CNTNAP4: variants seen among roughly 807,000 people sequenced by gnomAD.
CNTNAP4 encodes contactin associated protein family member 4.
CNTNAP4 carries 98 observed loss-of-function variants against 148.4 expected under a neutral mutation model. That is an observed-to-expected ratio of 0.66 (90% confidence interval 0.56 to 0.78). CNTNAP4 has a LOEUF of 0.78. CNTNAP4 is among the 30% of genes least tolerant of loss of function. The pLI is 0.00. For missense variants in CNTNAP4, 1,935 were observed against 1,565.6 expected (o/e 1.24, Z -3.98); for synonymous variants, 730 against 565.1 (o/e 1.29, Z -4.14).
intron 4 of CNTNAP4, among the ~76,000 whole-genome samples, chr16:76,435,907 C>T (rs1004402450): frequency 6.6e-6 from 1 of 152,106 alleles, no homozygotes; most frequent in African/African-American, 2.4e-5. Flanking sequence ...GTTTCTTCCA[C>T]CATTATCCCA....
intron 3 of CNTNAP4, among the ~76,000 whole-genome samples, chr16:76,397,516 C>T (rs764963758): frequency 5.3e-5 from 8 of 151,842 alleles, no homozygotes; most frequent in South Asian, 2.1e-4. Flanking sequence ...ACATCAGATA[C>T]GCAGTGGGTG....
intron 2 of CNTNAP4, among the ~76,000 whole-genome samples, chr16:76,320,785 C>T (rs187816527): frequency 1.3e-4 from 20 of 152,104 alleles, no homozygotes; most frequent in Non-Finnish European, 2.1e-4. Flanking sequence ...ATAATCTGAA[C>T]GTAAGTCTTT....
At position 76,483,897 on chromosome 16, in the gene CNTNAP4, T is replaced by G. The variant is rs565889247; in HGVS notation, c.1882+4359T>G. ...CAAATTCACAAGTAATGAGAATCTG[T>G]GTGTGATGAATATCGACTATATATC... On this transcript the variant is annotated intron_variant, in intron 12 of 23. Transcript: ENST00000611870. Among the ~76,000 whole-genome samples the G allele has an allele frequency of 3.3e-5, 5 of 152,284 alleles. No individual in the cohort carries two copies. In the South Asian group the frequency reaches 1.0e-3, roughly 32 times the overall value.
At chr16:76,319,055 A>C (rs1251104089) in intron 2 of CNTNAP4, among the ~76,000 whole-genome samples, 1 of 152,092 alleles carries the variant, frequency 6.6e-6, no homozygotes, top group Non-Finnish European at 1.5e-5. Context: ...TAATACTGTG[A>C]AAATGAGTAG....
chr16:76,478,544 G>A (rs952610632), intron 11 of CNTNAP4, among the ~76,000 whole-genome samples: 1 of 152,188 alleles, frequency 6.6e-6, no homozygotes, highest in Non-Finnish European at 1.5e-5. Flanking sequence ...AAGTAAAATA[G>A]ATTCAGGGAC....
intron 12 of CNTNAP4, among the ~76,000 whole-genome samples, chr16:76,482,824 A>G (rs968772279): frequency 6.6e-6 from 1 of 152,090 alleles, no homozygotes; most frequent in African/African-American, 2.4e-5. Flanking sequence ...GGGCCAATGG[A>G]AATAATATCA....
chr16:76,291,663 G>A (rs1959121612), intron 1 of CNTNAP4, among the ~76,000 whole-genome samples: 1 of 152,200 alleles, frequency 6.6e-6, no homozygotes, highest in Admixed American at 6.5e-5. Flanking sequence ...AGTACACACA[G>A]CTCCTCCTCC....
rs144858303 is a variant in CNTNAP4, at chr16:76,365,116, A to G, written c.390+9605A>G. 3.1e-3 allele frequency among the ~76,000 whole-genome samples: 465 copies of G among 152,308 alleles called. 2 individuals carry two copies. The highest frequency in any genetic ancestry group is 0.01 in the African/African-American group (432 of 41,568). ...ACGGCTAGCCAGTTTTCCCAACACC[A>G]TTTATTAAATAGGGAATCCTTTCCC... is the stretch of plus-strand genomic sequence containing the variant. On this transcript the variant is annotated intron_variant, in intron 3 of 23. Coordinates refer to ENST00000611870, the MANE Select transcript of CNTNAP4 (RefSeq NM_033401.5).
chr16:76,333,779 GTT>G (rs549878036), intron 2 of CNTNAP4, among the ~76,000 whole-genome samples: 622 of 45,620 alleles, frequency 0.014, 4 homozygotes, highest in African/African-American at 0.041. Context: ...TGGGTTATAG[GTT>G]TTTTTTTTTT....
intron 18 of CNTNAP4, among the ~76,000 whole-genome samples, chr16:76,536,492 G>A (rs906310464): frequency 1.8e-4 from 27 of 152,018 alleles, no homozygotes; most frequent in African/African-American, 5.8e-4. Context: ...CCCCATGCCC[G>A]GCCCTGTTAC....
intron 2 of CNTNAP4, among the ~76,000 whole-genome samples, chr16:76,351,148 G>C (rs976583270): frequency 1.3e-5 from 2 of 151,996 alleles, no homozygotes; most frequent in African/African-American, 4.8e-5. Context: ...CAGTTAAAAG[G>C]TTTTCTTAAT....
At chr16:76,540,840 A>C in intron 21 of CNTNAP4, 50 bp downstream of exon 21, 3 of 1,290,752 alleles carry the variant, frequency 2.3e-6, no homozygotes, top group Non-Finnish European at 3.3e-6. Context: ...CATGATACAT[A>C]AGCATGGATC....
chr16:76,290,517 A>G (rs1959070478), intron 1 of CNTNAP4, among the ~76,000 whole-genome samples: 1 of 152,078 alleles, frequency 6.6e-6, no homozygotes, highest in Admixed American at 6.6e-5. Flanking sequence ...TTCTCCTCTG[A>G]GTGTACACTG....
At position 76,476,096 on chromosome 16, in the gene CNTNAP4, C is replaced by T. The variant is rs1597667713; in HGVS notation, c.1762+51C>T. ...TTGCCCCTGTGATGGTTTCTTTGTC[C>T]CATTTCCCTTTTCATTGCTGTGTGT... On this transcript the variant is annotated intron_variant, in intron 11 of 23. Transcript: ENST00000611870. 3.9e-6 allele frequency: 5 copies of T among 1,290,408 alleles called. No individual in the cohort carries two copies. In the East Asian group the frequency reaches 9.3e-5, roughly 24 times the overall value. The allele number at this position is 1,290,408 out of a possible 1,614,324, so 79.9% of individuals were successfully genotyped here. A position where few individuals can be genotyped will look rare whatever the true frequency, so the allele number is the denominator to read the frequency against.
chr16:76,424,484 T>A (rs1331160343), intron 3 of CNTNAP4, among the ~76,000 whole-genome samples: 2 of 152,130 alleles, frequency 1.3e-5, no homozygotes, highest in African/African-American at 2.4e-5. Flanking sequence ...CTGGGTGCGG[T>A]GGTTCACGCC....
chr16:76,491,635 G>T (rs1435459748), intron 13 of CNTNAP4, among the ~76,000 whole-genome samples: 2 of 152,132 alleles, frequency 1.3e-5, no homozygotes, highest in African/African-American at 2.4e-5. Flanking sequence ...ATCTGGAAGG[G>T]TATTCTAAGA....
chr16:76,557,901 T>C (rs1209322264), intron 23 of CNTNAP4: 1 of 152,224 alleles, frequency 6.6e-6, no homozygotes, highest in African/African-American at 2.4e-5. Context: ...TTGGTAACCA[T>C]TGACATAGTT....
At chr16:76,517,482 C>G (rs1378383201) in intron 15 of CNTNAP4, among the ~76,000 whole-genome samples, 6 of 152,172 alleles carry the variant, frequency 3.9e-5, no homozygotes, top group Non-Finnish European at 7.3e-5. Flanking sequence ...GATTATTAAG[C>G]ATTCAGAAAG....
intron 3 of CNTNAP4, among the ~76,000 whole-genome samples, chr16:76,367,161 GATAC>G (rs1402688308): frequency 2.6e-5 from 4 of 151,874 alleles, no homozygotes; most frequent in African/African-American, 9.7e-5. Context: ...GCATAAAATA[GATAC>G]AGCATTGAAA....
Sources: allele counts gnomAD v4.1 joint callset (sites outside exome capture counted in the v4.1 genomes callset), GRCh38; gene constraint gnomAD v4.1.1; transcripts MANE v1.5; gene names NCBI Gene and HGNC (gene_info 2026-07-23, HGNC 2026-07-21).